POLA2: variants seen among roughly 807,000 people sequenced by gnomAD.
POLA2 encodes the protein DNA polymerase alpha 2, accessory subunit, also known as DNA polymerase alpha subunit B.
Under a neutral mutation model 82.8 loss-of-function variants are expected in POLA2, and 47 were observed. The ratio of observed to expected loss-of-function variants is 0.57; its 90% CI spans 0.45 to 0.72. The LOEUF is 0.72. POLA2 is among the 30% of genes least tolerant of loss of function. The pLI is 0.00. For synonymous variants in POLA2, 287 were observed against 286.8 expected, an observed-to-expected ratio of 1.00 and a Z score of -0.01; for missense variants, 634 against 728.1, an observed-to-expected ratio of 0.87 and a Z score of 1.49.
chr11:65,293,281 TTCAG>T lies in POLA2; in HGVS notation c.1245-863_1245-860del, dbSNP rs575159916. On this transcript the variant is annotated intron_variant, in intron 13 of 17. Transcript: ENST00000265465. ...GTTGTCCAGTAATTATGGCCCAGTG[TTCAG>T]TCAGTCAGAGGGTTTCAGCTGGATC... Among the ~76,000 whole-genome samples, 50 of 152,130 alleles carry T rather than the reference TTCAG, an allele frequency of 3.3e-4. No homozygotes were observed. In the East Asian group the frequency reaches 7.2e-3, roughly 22 times the overall value.
rs372193328 is a variant in POLA2 at position 65,295,613 on chromosome 11, T to C, written c.1520+14T>C. ...GACCCAGAGGAGGTGAGCTTGCCGCTGGGACCCCTGACTGTGGAGAGAGTG... is the reference window on the plus strand; with the variant it reads ...GACCCAGAGGAGGTGAGCTTGCCGCCGGGACCCCTGACTGTGGAGAGAGTG... On this transcript the variant is annotated intron_variant, in intron 16 of 17. Transcript: ENST00000265465. 1.2e-4 allele frequency: 200 copies of C among 1,609,582 alleles called. No homozygotes were observed. Among genetic ancestry groups the C allele is most frequent in the Non-Finnish European group, 1.7e-4 (196 of 1,176,576 alleles).
rs1018736603 is a variant in POLA2, at chr11:65,294,277, C to G, written c.1353+16C>G. 1.9e-6 allele frequency: 3 copies of G among 1,594,950 alleles called. No homozygotes were observed. Among genetic ancestry groups the G allele is most frequent in the Non-Finnish European group, 2.6e-6 (3 of 1,162,454 alleles). ...GGACAAAAAGGTAGCAGCACCCACT[C>G]CTTGACCAGCAGGCAGCCAGAATCC... On this transcript the variant is annotated intron_variant, in intron 14 of 17. Coordinates refer to ENST00000265465, the MANE Select transcript of POLA2 (RefSeq NM_002689.4).
At chr11:65,281,807 A>G (rs611910) in intron 9 of POLA2, 75 bp downstream of exon 9, 182,508 of 1,229,398 alleles carry the variant, frequency 0.15, 14,244 homozygotes, top group South Asian at 0.2. Flanking sequence ...TGTTCTAGAA[A>G]CTGGTCCTTT....
chr11:65,294,698 G>A, intron 15 of POLA2, 46 bp downstream of exon 15: 10 of 1,319,912 alleles, frequency 7.6e-6, no homozygotes, highest in Non-Finnish European at 1.1e-5. Context: ...TGGCTTTCTG[G>A]TCCCAGCCCT....
intron 8 of POLA2, among the ~76,000 whole-genome samples, chr11:65,304,725 C>T (rs988086776): frequency 2.6e-5 from 4 of 152,188 alleles, no homozygotes; most frequent in Non-Finnish European, 4.4e-5. Context: ...CATGGAGGAG[C>T]ATGTGCAGGG....
In POLA2 at chr11:65,297,134, T is replaced by C. The variant is rs943182339; in HGVS notation, c.1662T>C (p.Cys554=). The C allele has an allele frequency of 3.1e-6, 5 of 1,614,058 alleles. No homozygotes were observed. Among genetic ancestry groups the C allele is most frequent in the Non-Finnish European group, 3.4e-6 (4 of 1,179,992 alleles). Residue 554 remains cysteine (C), a synonymous_variant, in exon 18 of 18, where the codon TGT becomes TGC. Coordinates refer to ENST00000265465, the MANE Select transcript of POLA2 (RefSeq NM_002689.4). ...LRYFVKDVLG[C]VCVNPGRLTK... ...CTCCTCCCCAGGATGTCCTCGGCTG[T>C]GTCTGTGTGAACCCTGGGCGCCTTA...
intron 14 of POLA2, 107 bp from the exon 15 acceptor site, chr11:65,294,439 G>C (rs538809350): frequency 1.9e-6 from 2 of 1,049,044 alleles, no homozygotes; most frequent in African/African-American, 1.6e-5. Flanking sequence ...TGTTGGTTTG[G>C]TCCCCCTTTC....
In POLA2 at chr11:65,278,625, C is replaced by T. The variant is rs1949605841; in HGVS notation, c.462-105C>T. On this transcript the variant is annotated intron_variant, in intron 5 of 17. Transcript: ENST00000265465. ...TGATTCAATTTATAAACTATGAGGC[C>T]ACCTTCCTTTTCTCCAGTCCCCATT... The T allele has an allele frequency of 3.3e-6, 3 of 905,894 alleles. No homozygotes were observed. The South Asian group carries it at 4.9e-5, about 15-fold the overall frequency. 56.1% of individuals were successfully genotyped at this position (905,894 alleles called of 1,614,324 possible).
chr11:65,267,028 A>G (rs1042519044), intron 2 of POLA2, among the ~76,000 whole-genome samples: 45 of 152,304 alleles, frequency 3.0e-4, no homozygotes, highest in African/African-American at 1.1e-3. Flanking sequence ...CAACGTGGTG[A>G]AACCCTGTCT....
At chr11:65,304,605 C>A (rs1206555033) in intron 8 of POLA2, among the ~76,000 whole-genome samples, 3 of 152,132 alleles carry the variant, frequency 2.0e-5, no homozygotes, top group South Asian at 4.1e-4. Context: ...ACAAGGTGAC[C>A]CAACATCAAT....
At chr11:65,296,151 G>C in intron 17 of POLA2, 161 bp downstream of exon 17, 40 of 678,920 alleles carry the variant, frequency 5.9e-5, no homozygotes, top group Middle Eastern at 4.0e-4. Context: ...GGTGGGACCA[G>C]AAAACAAACA....
downstream of POLA2, among the ~76,000 whole-genome samples, chr11:65,300,116 T>C (rs1216561819): frequency 6.6e-6 from 1 of 152,196 alleles, no homozygotes; most frequent in Non-Finnish European, 1.5e-5. Flanking sequence ...TCTAATCCCA[T>C]CCCCTGGCAA....
In POLA2 at chr11:65,278,443, C is replaced by G. The variant is rs1169628348; in HGVS notation, c.462-287C>G. On this transcript the variant is annotated intron_variant, in intron 5 of 17. Coordinates refer to ENST00000265465, the MANE Select transcript of POLA2 (RefSeq NM_002689.4). ...ATTCAGAATCTGGGGATCTTTTTGC[C>G]TTGCTTAGTTTTAATGCCAAGAGAA... Among the ~76,000 whole-genome samples the G allele has an allele frequency of 1.3e-5, 2 of 152,086 alleles. 1 individual carries two copies. Among genetic ancestry groups the G allele is most frequent in the South Asian group, 4.1e-4 (2 of 4,832 alleles).
chr11:65,294,207 T>C lies in POLA2; in HGVS notation c.1299T>C (p.Pro433=). 6.2e-7 allele frequency: 1 copy of C among 1,614,160 alleles called. No individual in the cohort carries two copies. Among genetic ancestry groups the C allele is most frequent in the Non-Finnish European group, 8.5e-7 (1 of 1,180,034 alleles). ...CATTGAGAGATGTGCACCATGAGCC[T>C]GTGTACCCCCAGCCGCCTTTCAGCT... The part of the protein sequence containing the change: ...VPSLRDVHHE[P]VYPQPPFSYS... Residue 433 remains proline, a synonymous_variant, in exon 14 of 18, where the codon CCT becomes CCC. Coordinates refer to ENST00000265465, the MANE Select transcript of POLA2 (RefSeq NM_002689.4).
chr11:65,289,913 G>A (rs768028481), intron 13 of POLA2, 41 bp downstream of exon 13: 65 of 1,314,838 alleles, frequency 4.9e-5, no homozygotes, highest in Non-Finnish European at 7.0e-5. Flanking sequence ...AAGCTTCTTA[G>A]GTTTCTCCAG....
rs1488744561 is a variant in POLA2 at position 65,276,789 on chromosome 11, AC to A, written c.461+792del. On this transcript the variant is annotated intron_variant, in intron 5 of 17. Coordinates refer to ENST00000265465, the MANE Select transcript of POLA2 (RefSeq NM_002689.4). ...GAGCTTAAGATTGTTCAACTCTATCACTTTTTTTTTTTTTTTTTTTGAGATG... is the reference window on the plus strand; with the variant it reads ...GAGCTTAAGATTGTTCAACTCTATCATTTTTTTTTTTTTTTTTTTGAGATG... Among the ~76,000 whole-genome samples the A allele has an allele frequency of 2.7e-3, 390 of 145,304 alleles. 1 individual carries two copies. Among genetic ancestry groups the A allele is most frequent in the African/African-American group, 9.5e-3 (377 of 39,636 alleles).
rs765752881 is a variant in POLA2 at position 65,266,685 on chromosome 11, C to T, written c.183C>T (p.Ile61=). ...STHKVGLTSE[I]LNSFEHEFLS... ...ATAAAGTTGGCCTTACCTCAGAGATCCTGAACTCTTTTGAGCATGAGGTAA... is the reference window on the plus strand; with the variant it reads ...ATAAAGTTGGCCTTACCTCAGAGATTCTGAACTCTTTTGAGCATGAGGTAA... The change falls in exon 2 of 18, where the codon ATC becomes ATT. Residue 61 remains isoleucine (I), a synonymous_variant. Coordinates refer to ENST00000265465, the MANE Select transcript of POLA2 (RefSeq NM_002689.4). 1.2e-6 allele frequency: 2 copies of T among 1,614,104 alleles called. No homozygotes were observed. The highest frequency in any genetic ancestry group is 2.2e-5 in the South Asian group (2 of 91,080).
intron 4 of POLA2, among the ~76,000 whole-genome samples, chr11:65,274,275 A>G (rs1194628600): frequency 1.3e-5 from 2 of 150,902 alleles, no homozygotes; most frequent in Non-Finnish European, 3.0e-5. Context: ...TCACTTGAAC[A>G]CGGGAGGTGG....
At chr11:65,299,475 A>C (rs1449627095), downstream of POLA2, among the ~76,000 whole-genome samples, 1 of 152,178 alleles carries the variant, frequency 6.6e-6, no homozygotes, top group African/African-American at 2.4e-5. Flanking sequence ...CTGGGAACCC[A>C]AGTGGGTGCC....
Sources: gnomAD v4.1 joint callset for allele counts (sites outside exome capture counted in the v4.1 genomes callset) on GRCh38, gnomAD v4.1.1 for gene constraint, MANE v1.5 for transcripts, NCBI Gene and HGNC (gene_info 2026-07-23, HGNC 2026-07-21) for gene names.